The following KLF13 variants were observed in gnomAD, a reference collection of about 807,000 sequenced individuals.
The protein encoded by KLF13 is Krueppel-like factor 13.
Under a neutral mutation model 16.7 loss-of-function variants are expected in KLF13, and 8 were observed. The ratio of observed to expected loss-of-function variants is 0.48; its 90% CI spans 0.28 to 0.87. KLF13 has a LOEUF of 0.87. Ranked by LOEUF, KLF13 falls within the 40% of genes least tolerant of loss-of-function variation. The pLI, the probability that KLF13 is intolerant of heterozygous loss-of-function variation, is 0.10. For synonymous variants in KLF13, 245 were observed against 208.4 expected, an observed-to-expected ratio of 1.18 and a Z score of -1.51; for missense variants, 447 against 452.2, an observed-to-expected ratio of 0.99 and a Z score of 0.10.
Position 31,376,548 on chromosome 15 carries a change from C to T in KLF13, c.*4249C>T, listed in dbSNP as rs1293924967. 6.6e-6 allele frequency: 1 copy of T among 152,670 alleles called. No individual in the cohort carries two copies. The highest frequency in any genetic ancestry group is 6.5e-5 in the Admixed American group (1 of 15,298). The allele number at this position is 152,670 out of a possible 1,614,324, so 9.5% of individuals were successfully genotyped here. The stretch of plus-strand genomic sequence containing the variant: ...CTGATGGTTTTTGAAATCAGGATTA[C>T]CCCAGGAAGAACCAGGTCCTATTAC... On this transcript the variant is annotated 3_prime_UTR_variant, in exon 2 of 2. Coordinates refer to ENST00000307145, the MANE Select transcript of KLF13 (RefSeq NM_015995.4).
intron 1 of KLF13, among the ~76,000 whole-genome samples, chr15:31,419,687 A>G (rs1440557082): frequency 1.3e-5 from 2 of 152,208 alleles, no homozygotes; most frequent in African/African-American, 4.8e-5. Context: ...AAAATCATCA[A>G]GCCTATCAAT....
At chr15:31,419,178 T>C (rs1234147321) in intron 1 of KLF13, among the ~76,000 whole-genome samples, 5 of 152,120 alleles carry the variant, frequency 3.3e-5, no homozygotes, top group Non-Finnish European at 7.3e-5. Flanking sequence ...AGATCATTCC[T>C]TGTATAAAGC....
chr15:31,357,359 C>T (rs2140953332), intron 1 of KLF13, among the ~76,000 whole-genome samples: 1 of 152,338 alleles, frequency 6.6e-6, no homozygotes, highest in Non-Finnish European at 1.5e-5. Context: ...CCACGTCAGG[C>T]TCTTCTGCAT....
At chr15:31,346,621 C>T (rs2140943885) in intron 1 of KLF13, among the ~76,000 whole-genome samples, 1 of 152,384 alleles carries the variant, frequency 6.6e-6, no homozygotes, top group Non-Finnish European at 1.5e-5. Context: ...TTGCAGGCCC[C>T]CCAGGCTGAC....
At chr15:31,418,478 T>A (rs564586866) in intron 1 of KLF13, among the ~76,000 whole-genome samples, 56 of 152,248 alleles carry the variant, frequency 3.7e-4, no homozygotes, top group African/African-American at 1.3e-3. Flanking sequence ...TGATATACTT[T>A]AGTAACAGTG....
At chr15:31,343,034 A>G (rs930457676) in intron 1 of KLF13, among the ~76,000 whole-genome samples, 2 of 152,216 alleles carry the variant, frequency 1.3e-5, no homozygotes, top group Non-Finnish European at 2.9e-5. Flanking sequence ...ACTCCTGGCC[A>G]TGGAGTTTCC....
At chr15:31,370,908 T>C (rs914517100) in intron 1 of KLF13, among the ~76,000 whole-genome samples, 1 of 152,206 alleles carries the variant, frequency 6.6e-6, no homozygotes, top group Non-Finnish European at 1.5e-5. Flanking sequence ...CTGCTGGTTC[T>C]CCCTGGCTGT....
At chr15:31,371,615 G>A (rs1019509906) in intron 1 of KLF13, among the ~76,000 whole-genome samples, 2 of 152,242 alleles carry the variant, frequency 1.3e-5, no homozygotes, top group African/African-American at 2.4e-5. Flanking sequence ...CGGGAGGCCT[G>A]TGAAGCCAGG....
intron 1 of KLF13, among the ~76,000 whole-genome samples, chr15:31,352,463 T>C (rs1404257897): frequency 6.6e-6 from 1 of 152,236 alleles, no homozygotes; most frequent in Non-Finnish European, 1.5e-5. Flanking sequence ...GGCCACGGGC[T>C]CCATGCCTGC....
downstream of KLF13, among the ~76,000 whole-genome samples, chr15:31,382,364 G>A (rs1352797756): frequency 6.6e-6 from 1 of 152,224 alleles, no homozygotes; most frequent in African/African-American, 2.4e-5. Context: ...GAGGCTCAGA[G>A]GGTTGAAGTG....
At chr15:31,327,864 C>T in intron 1 of KLF13, 75 bp downstream of exon 1, 1 of 1,228,044 alleles carries the variant, frequency 8.1e-7, no homozygotes, top group Non-Finnish European at 1.0e-6. Flanking sequence ...CCCCCGGAGT[C>T]CCCGATGGGG....
intron 1 of KLF13, among the ~76,000 whole-genome samples, chr15:31,337,746 G>A (rs1411378817): frequency 2.0e-5 from 3 of 152,172 alleles, no homozygotes; most frequent in Admixed American, 6.5e-5. Context: ...ATGGGGTGTC[G>A]TCTTATGGGA....
In KLF13 at chr15:31,348,780, AAAC is replaced by A. The variant is rs547222141; in HGVS notation, c.577+20997_577+20999del. Among the ~76,000 whole-genome samples the A allele has an allele frequency of 2.8e-4, 43 of 152,238 alleles. 3 individuals are homozygous for A. Among genetic ancestry groups the A allele is most frequent in the Admixed American group, 2.5e-3 (38 of 15,292 alleles). ...GAAATACTGGAGATGGGTGGCAAAT[AAAC>A]AACAAGTTTATTTTCATAGTTCTGG... On this transcript the variant is annotated intron_variant, in intron 1 of 1. Transcript: ENST00000307145.
chr15:31,366,729 C>CCTCACTGTGTGCCCCCCTGTG (rs145103121), intron 1 of KLF13, among the ~76,000 whole-genome samples: 149,704 of 150,310 alleles, frequency 1, 74,551 homozygotes, highest in Middle Eastern at 1. Context: ...TGGCCCCTCA[C>CCTCACTGTGTGCCCCCCTGTG]CTCACTGTGT....
intron 1 of KLF13, among the ~76,000 whole-genome samples, chr15:31,339,608 G>T (rs1595456025): frequency 6.6e-6 from 1 of 152,232 alleles, no homozygotes; most frequent in Non-Finnish European, 1.5e-5. Flanking sequence ...CCCACAACTG[G>T]TGCTTCCAGA....
intron 1 of KLF13, among the ~76,000 whole-genome samples, chr15:31,362,180 C>T (rs1428222282): frequency 6.6e-6 from 1 of 152,208 alleles, no homozygotes; most frequent in African/African-American, 2.4e-5. Flanking sequence ...AACTCTGGAA[C>T]TGCTTCTGTT....
At chr15:31,331,249 C>G (rs116601050) in intron 1 of KLF13, among the ~76,000 whole-genome samples, 1 of 152,198 alleles carries the variant, frequency 6.6e-6, no homozygotes, top group Non-Finnish European at 1.5e-5. Context: ...GGCACAGTGG[C>G]GTGCCCAGCC....
At chr15:31,342,095 A>T (rs1009351016) in intron 1 of KLF13, among the ~76,000 whole-genome samples, 32 of 151,992 alleles carry the variant, frequency 2.1e-4, no homozygotes, top group Admixed American at 2.6e-4. Context: ...ATGAACTGAA[A>T]CCTCAACCTC....
At chr15:31,328,465 C>T (rs1035552981) in intron 1 of KLF13, among the ~76,000 whole-genome samples, 4 of 151,960 alleles carry the variant, frequency 2.6e-5, no homozygotes, top group Non-Finnish European at 5.9e-5. Context: ...GAGCCCCCGC[C>T]CATCCGGCCC....
Sources: allele counts gnomAD v4.1 joint callset (sites outside exome capture counted in the v4.1 genomes callset), GRCh38; gene constraint gnomAD v4.1.1; transcripts MANE v1.5; gene names NCBI Gene and HGNC (gene_info 2026-07-23, HGNC 2026-07-21).